Variants in CNTN4 observed in about 807,000 individuals in gnomAD.
The protein encoded by CNTN4 is contactin-4.
Under a neutral mutation model 122.5 loss-of-function variants are expected in CNTN4, and 77 were observed. The ratio of observed to expected loss-of-function variants is 0.63; its 90% CI spans 0.52 to 0.76. CNTN4 has a LOEUF of 0.76. Ranked by LOEUF, CNTN4 falls within the 30% of genes least tolerant of loss-of-function variation. CNTN4 has a pLI of 0.00. For missense variants in CNTN4, 1,256 were observed against 1,259.1 expected (o/e 1.00, Z 0.04); for synonymous variants, 512 against 447.0 (o/e 1.15, Z -1.83).
At chr3:2,513,521 C>A (rs1248427695) in intron 3 of CNTN4, among the ~76,000 whole-genome samples, 1 of 151,634 alleles carries the variant, frequency 6.6e-6, no homozygotes, top group African/African-American at 2.4e-5. Flanking sequence ...GGTCCCGAAC[C>A]CCTTTATTTG....
At chr3:2,137,734 T>C (rs1377841094) in intron 2 of CNTN4, among the ~76,000 whole-genome samples, 2 of 152,182 alleles carry the variant, frequency 1.3e-5, no homozygotes, top group Admixed American at 6.5e-5. Flanking sequence ...CGAAAGATTT[T>C]GAGTCCAGAA....
chr3:2,449,087 C>T (rs1322433088), intron 3 of CNTN4, among the ~76,000 whole-genome samples: 1 of 152,044 alleles, frequency 6.6e-6, no homozygotes, highest in Non-Finnish European at 1.5e-5. Context: ...AAGGATCATG[C>T]TAAGATATAA....
At chr3:2,782,127 A>G (rs2149870807) in intron 6 of CNTN4, among the ~76,000 whole-genome samples, 1 of 152,100 alleles carries the variant, frequency 6.6e-6, no homozygotes, top group Admixed American at 6.6e-5. Flanking sequence ...ACAGGCTGTA[A>G]AATGTTTCTT....
At chr3:2,523,006 G>A (rs1488904879) in intron 3 of CNTN4, among the ~76,000 whole-genome samples, 2 of 152,008 alleles carry the variant, frequency 1.3e-5, no homozygotes, top group African/African-American at 2.4e-5. Context: ...GTCCTAAATT[G>A]ATCTGGTACA....
intron 2 of CNTN4, among the ~76,000 whole-genome samples, chr3:2,312,198 C>T (rs191037366): frequency 6.6e-6 from 1 of 151,900 alleles, no homozygotes; most frequent in Admixed American, 6.6e-5. Flanking sequence ...TGAGGCCAAA[C>T]ATATTGCTAT....
intron 13 of CNTN4, among the ~76,000 whole-genome samples, chr3:2,980,677 G>A (rs1349517749): frequency 6.6e-6 from 1 of 152,164 alleles, no homozygotes; most frequent in African/African-American, 2.4e-5. Context: ...AGTGAGTTTA[G>A]AGCCGAAGTT....
At chr3:2,288,684 T>C (rs2042028875) in intron 2 of CNTN4, among the ~76,000 whole-genome samples, 2 of 152,210 alleles carry the variant, frequency 1.3e-5, no homozygotes, top group Non-Finnish European at 2.9e-5. Flanking sequence ...ATACTAAGTA[T>C]AAAACAAAAT....
At chr3:2,499,010 G>A (rs539387203) in intron 3 of CNTN4, among the ~76,000 whole-genome samples, 8 of 152,044 alleles carry the variant, frequency 5.3e-5, no homozygotes, top group African/African-American at 1.7e-4. Context: ...GGCTGATCTC[G>A]AACTCCTGAC....
At chr3:2,108,533 A>C (rs1267219834) in intron 2 of CNTN4, among the ~76,000 whole-genome samples, 1 of 152,022 alleles carries the variant, frequency 6.6e-6, no homozygotes, top group African/African-American at 2.4e-5. Context: ...TTAACATGCC[A>C]CTCGGTGCAA....
chr3:2,507,734 CAA>C (rs34779120), intron 3 of CNTN4, among the ~76,000 whole-genome samples: 159 of 108,760 alleles, frequency 1.5e-3, no homozygotes, highest in Non-Finnish European at 1.6e-3. Flanking sequence ...GACTTTGTCT[CAA>C]AAAAAAAAAA....
At chr3:2,507,795 A>G (rs1213694607) in intron 3 of CNTN4, among the ~76,000 whole-genome samples, 5 of 151,290 alleles carry the variant, frequency 3.3e-5, no homozygotes. Context: ...TTAGCCATTA[A>G]AATAAGGATA....
intron 4 of CNTN4, among the ~76,000 whole-genome samples, chr3:2,596,477 ATATT>A (rs2080776090): frequency 6.6e-6 from 1 of 152,310 alleles, no homozygotes; most frequent in South Asian, 2.1e-4. Context: ...CATGTGTTGA[ATATT>A]TATTCTGGTG....
At chr3:2,486,236 G>C (rs1380929076) in intron 3 of CNTN4, among the ~76,000 whole-genome samples, 1 of 152,092 alleles carries the variant, frequency 6.6e-6, no homozygotes, top group African/African-American at 2.4e-5. Flanking sequence ...GAACACAGCT[G>C]AACATCAGGA....
At chr3:2,498,821 G>A (rs2076520857) in intron 3 of CNTN4, among the ~76,000 whole-genome samples, 1 of 151,108 alleles carries the variant, frequency 6.6e-6, no homozygotes, top group African/African-American at 2.4e-5. Context: ...ATGAAGTCTT[G>A]CTCTGTTGCC....
intron 2 of CNTN4, among the ~76,000 whole-genome samples, chr3:2,224,206 T>C (rs938757330): frequency 6.6e-6 from 1 of 152,184 alleles, no homozygotes; most frequent in African/African-American, 2.4e-5. Context: ...GAAATATATT[T>C]TAGGGTGGCA....
At chr3:2,945,344 C>G (rs76935662) in intron 13 of CNTN4, among the ~76,000 whole-genome samples, 21,331 of 152,154 alleles carry the variant, frequency 0.14, 1,689 homozygotes, top group Non-Finnish European at 0.17. Flanking sequence ...GTAATTGATT[C>G]TTTCTTGGCA....
intron 2 of CNTN4, among the ~76,000 whole-genome samples, chr3:2,265,643 A>C (rs376732225): frequency 2.8e-4 from 43 of 152,066 alleles, no homozygotes; most frequent in African/African-American, 1.0e-3. Context: ...ATCAGTCTAT[A>C]GATTGCTTTG....
intron 11 of CNTN4, 103 bp from the exon 12 acceptor site, chr3:2,902,773 G>C: frequency 7.9e-7 from 1 of 1,273,794 alleles, no homozygotes; most frequent in Non-Finnish European, 1.1e-6. Context: ...TATGATGGCT[G>C]TTTTCTTCCC....
chr3:3,010,936 C>A (rs972854188), intron 14 of CNTN4, among the ~76,000 whole-genome samples: 5 of 152,126 alleles, frequency 3.3e-5, no homozygotes, highest in African/African-American at 1.2e-4. Context: ...CTGGTAATTC[C>A]ACACACTCCT....
Sources: gnomAD v4.1 joint callset for allele counts (sites outside exome capture counted in the v4.1 genomes callset) on GRCh38, gnomAD v4.1.1 for gene constraint, MANE v1.5 for transcripts, NCBI Gene and HGNC (gene_info 2026-07-23, HGNC 2026-07-21) for gene names.